Variants in MRPL24 observed in about 807,000 individuals in gnomAD.
MRPL24 encodes large ribosomal subunit protein uL24m.
Under a neutral mutation model 26.9 loss-of-function variants are expected in MRPL24, and 15 were observed. That is an observed-to-expected ratio of 0.56 (90% CI 0.37 to 0.86). The LOEUF is 0.86. MRPL24 is among the 40% of genes least tolerant of loss of function. The pLI is 0.00. For synonymous variants in MRPL24, 92 were observed against 102.4 expected, an observed-to-expected ratio of 0.90 and a Z score of 0.62; for missense variants, 241 against 281.4, an observed-to-expected ratio of 0.86 and a Z score of 1.03.
chr1:156,742,179 TAC>T (rs1243545068), upstream of MRPL24: 1 of 152,676 alleles, frequency 6.5e-6, no homozygotes, highest in Non-Finnish European at 1.5e-5. Flanking sequence ...CTTCCAAAGC[TAC>T]AGTCAGCAAT....
intron 3 of MRPL24, 55 bp downstream of exon 3, chr1:156,738,286 GGA>G (rs1044682847): frequency 6.4e-7 from 1 of 1,570,510 alleles, no homozygotes; most frequent in Admixed American, 1.7e-5. Context: ...TGCTCTGAAT[GGA>G]GAGGGACAGA....
chr1:156,740,961 TG>T (rs1462878701), intron 1 of MRPL24, 50 bp downstream of exon 1: 1 of 152,250 alleles, frequency 6.6e-6, no homozygotes, highest in East Asian at 1.9e-4. Context: ...AAATAAACCC[TG>T]GGGAGGCGAC....
chr1:156,740,217 C>G (rs1336277409), intron 1 of MRPL24, among the ~76,000 whole-genome samples: 1 of 152,026 alleles, frequency 6.6e-6, no homozygotes, highest in African/African-American at 2.4e-5. Flanking sequence ...TGTTCCTTCC[C>G]GTAACGTTTG....
intron 1 of MRPL24, among the ~76,000 whole-genome samples, chr1:156,739,763 G>A (rs917976890): frequency 6.6e-6 from 1 of 151,516 alleles, no homozygotes; most frequent in Non-Finnish European, 1.5e-5. Flanking sequence ...TTGGGTTCAA[G>A]CGATTCTCCT....
intron 3 of MRPL24, 98 bp from the exon 4 acceptor site, chr1:156,738,232 A>G: frequency 1.3e-6 from 2 of 1,527,062 alleles, no homozygotes. Context: ...TAGAAGGTTC[A>G]GTAATGCCGC....
In MRPL24 at chr1:156,738,713, G is replaced by T; in HGVS notation, c.-9C>A. On this transcript the variant is annotated 5_prime_UTR_variant, in exon 2 of 6. Transcript: ENST00000361531. ...AGGGCAGAAAGACGCATGCCTGGAG[G>T]TTGTAAGAAATCCCTTTGCCAGCAA... The T allele has an allele frequency of 6.4e-7, 1 of 1,569,288 alleles. No individual in the cohort carries two copies. Among genetic ancestry groups the T allele is most frequent in the Non-Finnish European group, 8.6e-7 (1 of 1,163,454 alleles).
In MRPL24 at chr1:156,737,724, C is replaced by T. The variant is rs944034695; in HGVS notation, c.436G>A (p.Val146Ile). The change falls in exon 5 of 6, where the codon GTC (valine) becomes ATC (isoleucine). Residue 146 changes from valine to isoleucine, a missense_variant. Val to Ile is a conservative substitution (Grantham distance 29, BLOSUM62 3). Transcript: ENST00000361531. ...ATAATTCTCCCTGATCGTGTGGAGACTCGTACCCGCTCTCCTGCTTCAGTA... is the reference window on the plus strand; with the variant it reads ...ATAATTCTCCCTGATCGTGTGGAGATTCGTACCCGCTCTCCTGCTTCAGTA... ...RFTEAGERVR[V>I]STRSGRIIPK... The T allele has an allele frequency of 1.9e-6, 3 of 1,614,166 alleles. No homozygotes were observed. The highest frequency in any genetic ancestry group is 2.5e-6 in the Non-Finnish European group (3 of 1,180,022).
chr1:156,741,179 C>T (rs1430548165), upstream of MRPL24: 1 of 152,160 alleles, frequency 6.6e-6, no homozygotes, highest in East Asian at 1.9e-4. Context: ...ACGAATCTTA[C>T]CTCTCAGCAT....
At chr1:156,739,750 G>A (rs539638891) in intron 1 of MRPL24, among the ~76,000 whole-genome samples, 6 of 151,118 alleles carry the variant, frequency 4.0e-5, no homozygotes, top group Admixed American at 6.6e-5. Context: ...CGACCTCTGC[G>A]TCTTGGGTTC....
At chr1:156,738,854 A>G (rs1040775874) in intron 1 of MRPL24, 90 bp from the exon 2 acceptor site, 18 of 635,578 alleles carry the variant, frequency 2.8e-5, no homozygotes, top group Non-Finnish European at 4.8e-5. Flanking sequence ...ACCTCATCAC[A>G]TTGAATCCTC....
chr1:156,738,908 A>G, intron 1 of MRPL24, 144 bp from the exon 2 acceptor site: 1 of 543,072 alleles, frequency 1.8e-6, no homozygotes, highest in Non-Finnish European at 3.2e-6. Context: ...AGAAAGGTCA[A>G]GTAACTTGCT....
At chr1:156,740,478 T>A (rs1650045835) in intron 1 of MRPL24, 2 of 152,298 alleles carry the variant, frequency 1.3e-5, no homozygotes, top group Non-Finnish European at 2.9e-5. Flanking sequence ...TGCTGGGAAT[T>A]TCATTGCCGG....
At chr1:156,739,241 G>A (rs553638700) in intron 1 of MRPL24, among the ~76,000 whole-genome samples, 1 of 152,222 alleles carries the variant, frequency 6.6e-6, no homozygotes, top group East Asian at 1.9e-4. Flanking sequence ...TCCTCAGATA[G>A]GAAATAACCA....
In MRPL24 at chr1:156,738,603, C is replaced by A. The variant is rs1050073803; in HGVS notation, c.102G>T (p.Lys34Asn). 39 of 1,613,536 alleles carry A rather than the reference C, an allele frequency of 2.4e-5. No homozygotes were observed. The highest frequency in any genetic ancestry group is 3.2e-5 in the Non-Finnish European group (38 of 1,179,772). The change falls in exon 2 of 6, where the codon AAG becomes AAT. Residue 34 changes from lysine to asparagine, a missense_variant. Transcript: ENST00000361531. The part of the protein sequence containing the change: ...SPPGSVADKR[K>N]NPPWIRRRPV... ...GGCGCCGCCTGATCCATGGGGGGTTCTTCCTCTTGTCTGCAACAGAGCCTG... is the reference window on the plus strand; with the variant it reads ...GGCGCCGCCTGATCCATGGGGGGTTATTCCTCTTGTCTGCAACAGAGCCTG...
Position 156,738,775 on chromosome 1 carries a change from G to A in MRPL24, c.-60-11C>T, listed in dbSNP as rs976043893. The A allele has an allele frequency of 3.5e-6, 5 of 1,424,218 alleles. No homozygotes were observed. Among genetic ancestry groups the A allele is most frequent in the Non-Finnish European group, 4.7e-6 (5 of 1,053,848 alleles). 88.2% of individuals were successfully genotyped at this position (1,424,218 alleles called of 1,614,324 possible). ...CCTTCCTTGTCAGCTCTGGGCAGATGGATAGAAACGGGAACAAAGAGGCAA... is the reference window on the plus strand; with the variant it reads ...CCTTCCTTGTCAGCTCTGGGCAGATAGATAGAAACGGGAACAAAGAGGCAA... On this transcript the variant is annotated splice_polypyrimidine_tract_variant and intron_variant, in intron 1 of 5. Transcript: ENST00000361531.
At chr1:156,740,494 G>T (rs1442655028) in intron 1 of MRPL24, 1 of 152,118 alleles carries the variant, frequency 6.6e-6, no homozygotes, top group Non-Finnish European at 1.5e-5. Flanking sequence ...GCCGGCATTT[G>T]GTCTTCACAT....
At chr1:156,741,945 G>A (rs1650149004), upstream of MRPL24, among the ~76,000 whole-genome samples, 1 of 152,240 alleles carries the variant, frequency 6.6e-6, no homozygotes, top group Middle Eastern at 3.4e-3. Flanking sequence ...TTTATTCTAC[G>A]ACTCTGCCCA....
In MRPL24 at chr1:156,738,579, G is replaced by C; in HGVS notation, c.126C>G (p.Arg42=). 6.2e-7 allele frequency: 1 copy of C among 1,614,046 alleles called. No homozygotes were observed. The highest frequency in any genetic ancestry group is 8.5e-7 in the Non-Finnish European group (1 of 1,179,990). The change falls in exon 2 of 6, where the codon CGC becomes CGG. Residue 42 remains arginine (R), a synonymous_variant. Coordinates refer to ENST00000361531, the MANE Select transcript of MRPL24 (RefSeq NM_145729.3). ...CAGAGATGGGTTCCACAACCACTGG[G>C]CGCCGCCTGATCCATGGGGGGTTCT... is the stretch of plus-strand genomic sequence containing the variant. ...KRKNPPWIRR[R]PVVVEPISDE...
At position 156,738,513 on chromosome 1, in the gene MRPL24, G is replaced by A. The variant is rs780168504; in HGVS notation, c.183+9C>T. 2 of 1,614,104 alleles carry A rather than the reference G, an allele frequency of 1.2e-6. No individual in the cohort carries two copies. Among genetic ancestry groups the A allele is most frequent in the Non-Finnish European group, 1.7e-6 (2 of 1,179,964 alleles). ...CCCCATCACTCTACCCCCTGTATGA[G>A]GCTCTCACCGTGTCCCCACAGAACA... On this transcript the variant is annotated intron_variant, in intron 2 of 5. Transcript: ENST00000361531.
Sources: allele counts gnomAD v4.1 joint callset (sites outside exome capture counted in the v4.1 genomes callset), GRCh38; gene constraint gnomAD v4.1.1; transcripts MANE v1.5; gene names NCBI Gene and HGNC (gene_info 2026-07-23, HGNC 2026-07-21).